The following MC2R variants were observed in gnomAD, a reference collection of about 807,000 sequenced individuals.
MC2R encodes melanocortin 2 receptor, also known as adrenocorticotropic hormone receptor.
MC2R carries 9 observed loss-of-function variants against 9.8 expected under a neutral mutation model. The observed-to-expected ratio is 0.92, with a 90% confidence interval of 0.55 to 1.60. MC2R has a LOEUF of 1.60. MC2R is among the 40% of genes most tolerant of loss of function. MC2R has a pLI of 0.00. For missense variants in MC2R, 370 were observed against 389.0 expected, an observed-to-expected ratio of 0.95 and a Z score of 0.41; for synonymous variants, 185 against 154.7, an observed-to-expected ratio of 1.20 and a Z score of -1.45.
rs200978771 is a variant in MC2R, at chr18:13,885,037, G to C, written c.482C>G (p.Thr161Ser). 132 of 1,614,194 alleles carry C rather than the reference G, an allele frequency of 8.2e-5. No homozygotes were observed. Among genetic ancestry groups the C allele is most frequent in the Non-Finnish European group, 6.2e-5 (73 of 1,180,042 alleles). ...LTVIWTFCTG[T>S]GITMVIFSHH... The stretch of plus-strand genomic sequence containing the variant: ...GGAGAAGATCACCATGGTGATGCCA[G>C]TCCCCGTGCAGAACGTCCAGATGAC... The change falls in exon 2 of 2, where the codon ACT (threonine) becomes AGT (serine). Residue 161 changes from threonine to serine, a missense_variant. Transcript: ENST00000327606.
chr18:13,896,371 A>G (rs998868728), intron 1 of MC2R, among the ~76,000 whole-genome samples: 2 of 152,146 alleles, frequency 1.3e-5, no homozygotes, highest in Admixed American at 6.5e-5. Context: ...AATATAAGAG[A>G]ATTGGCTGAA....
intron 1 of MC2R, among the ~76,000 whole-genome samples, chr18:13,898,496 C>T (rs375033996): frequency 7.6e-4 from 116 of 152,318 alleles, no homozygotes; most frequent in African/African-American, 1.8e-3. Context: ...TTTCCACCTG[C>T]GGATTGTAGA....
intron 1 of MC2R, among the ~76,000 whole-genome samples, chr18:13,886,054 A>G (rs940469585): frequency 7.1e-6 from 1 of 141,554 alleles, no homozygotes; most frequent in Non-Finnish European, 1.5e-5. Context: ...AGAGTGTGGA[A>G]TGGACATTGG....
chr18:13,898,775 G>A (rs1047432756), intron 1 of MC2R, among the ~76,000 whole-genome samples: 1 of 152,228 alleles, frequency 6.6e-6, no homozygotes, highest in Admixed American at 6.5e-5. Flanking sequence ...GGCCATCAAG[G>A]TGGTACCTCT....
chr18:13,885,254 T>C lies in MC2R; in HGVS notation c.265A>G (p.Met89Val), dbSNP rs899855892. Residue 89 changes from methionine (M) to valine (V), a missense_variant, in exon 2 of 2, where the codon ATG (methionine) becomes GTG (valine). Coordinates refer to ENST00000327606, the MANE Select transcript of MC2R (RefSeq NM_000529.2). ...LENILIILRN[M>V]GYLKPRGSFE... The stretch of plus-strand genomic sequence containing the variant: ...CTGCCACGTGGCTTGAGATAGCCCA[T>C]GTTTCTCAATATGATCAGGATATTT... The C allele has an allele frequency of 1.2e-6, 2 of 1,614,004 alleles. No homozygotes were observed. The highest frequency in any genetic ancestry group is 1.7e-6 in the Non-Finnish European group (2 of 1,180,044).
At chr18:13,906,641 C>T (rs866803160) in intron 1 of MC2R, among the ~76,000 whole-genome samples, 5 of 152,162 alleles carry the variant, frequency 3.3e-5, no homozygotes, top group Admixed American at 6.5e-5. Flanking sequence ...AAAACTTAGA[C>T]TCCACCAGAA....
Position 13,885,048 on chromosome 18 carries a change from G to T in MC2R, c.471C>A (p.Phe157Leu). Residue 157 changes from phenylalanine (F) to leucine (L), a missense_variant, in exon 2 of 2, where the codon TTC becomes TTA. Physicochemically the swap from Phe to Leu is conservative, Grantham distance 22. Transcript: ENST00000327606. ...CCATGGTGATGCCAGTCCCCGTGCA[G>T]AACGTCCAGATGACCGTAAGCACCA... ...TVVVLTVIWT[F>L]CTGTGITMVI... 6.2e-7 allele frequency: 1 copy of T among 1,614,208 alleles called. No homozygotes were observed. The highest frequency in any genetic ancestry group is 8.5e-7 in the Non-Finnish European group (1 of 1,180,044).
In MC2R at chr18:13,905,400, C is replaced by T. The variant is rs966694818; in HGVS notation, c.-129+10088G>A. ...ACTCAGGTGGCTGAGGCAGAAGAAT[C>T]GCTTGAATCCGGGAGGCAGAGGTTG... is the stretch of plus-strand genomic sequence containing the variant. On this transcript the variant is annotated intron_variant, in intron 1 of 1. Coordinates refer to ENST00000327606, the MANE Select transcript of MC2R (RefSeq NM_000529.2). Among the ~76,000 whole-genome samples the T allele has an allele frequency of 4.0e-5, 6 of 151,684 alleles. No individual in the cohort carries two copies. In the East Asian group the frequency reaches 5.8e-4, roughly 15 times the overall value.
intron 1 of MC2R, among the ~76,000 whole-genome samples, chr18:13,895,839 G>T (rs1034442537): frequency 4.6e-5 from 7 of 152,082 alleles, no homozygotes; most frequent in Admixed American, 1.3e-4. Context: ...GGAGCCATCC[G>T]CAACAGCAAC....
chr18:13,899,230 G>A (rs115268053), intron 1 of MC2R, among the ~76,000 whole-genome samples: 4,064 of 152,196 alleles, frequency 0.027, 133 homozygotes, highest in African/African-American at 0.09. Context: ...TGATGAAGGC[G>A]TCAGAGTCTT....
intron 1 of MC2R, among the ~76,000 whole-genome samples, chr18:13,907,943 A>G (rs1340128600): frequency 6.6e-6 from 1 of 152,198 alleles, no homozygotes; most frequent in Non-Finnish European, 1.5e-5. Flanking sequence ...AAGGTCAACT[A>G]CTATAGCCAC....
chr18:13,903,593 T>C (rs1047061814), intron 1 of MC2R, among the ~76,000 whole-genome samples: 8 of 152,226 alleles, frequency 5.3e-5, no homozygotes, highest in Non-Finnish European at 1.2e-4. Context: ...ACATCACATG[T>C]TCTCACTTAT....
At chr18:13,894,930 G>A (rs1401286400) in intron 1 of MC2R, among the ~76,000 whole-genome samples, 2 of 152,208 alleles carry the variant, frequency 1.3e-5, no homozygotes, top group Admixed American at 6.5e-5. Flanking sequence ...ACACCACAGC[G>A]TGTTTTGTTC....
intron 1 of MC2R, among the ~76,000 whole-genome samples, chr18:13,890,018 T>C (rs1308477445): frequency 1.3e-5 from 2 of 152,148 alleles, no homozygotes; most frequent in Admixed American, 1.3e-4. Context: ...GAATATTCAT[T>C]TGATAAGGAA....
rs182740757 is a variant in MC2R at position 13,894,162 on chromosome 18, G to A, written c.-128-8516C>T. On this transcript the variant is annotated intron_variant, in intron 1 of 1. Coordinates refer to ENST00000327606, the MANE Select transcript of MC2R (RefSeq NM_000529.2). The stretch of plus-strand genomic sequence containing the variant: ...TGTGTGTGTGTGTGTGTGTGTGTGC[G>A]TGCATGTGTGTGTGAGAGAGAGAGA... 4.7e-4 allele frequency among the ~76,000 whole-genome samples: 72 copies of A among 151,944 alleles called. 1 individual carries two copies. The East Asian group carries it at 0.011, about 23-fold the overall frequency.
intron 1 of MC2R, among the ~76,000 whole-genome samples, chr18:13,897,240 C>G (rs1275773051): frequency 6.6e-6 from 1 of 152,166 alleles, no homozygotes; most frequent in African/African-American, 2.4e-5. Context: ...AAACATTGAA[C>G]TCAGTGGTGT....
chr18:13,897,673 A>T (rs1226486008), intron 1 of MC2R, among the ~76,000 whole-genome samples: 1 of 151,868 alleles, frequency 6.6e-6, no homozygotes, highest in African/African-American at 2.4e-5. Flanking sequence ...TGCATCTTGG[A>T]TATCAGCTCA....
intron 1 of MC2R, among the ~76,000 whole-genome samples, chr18:13,897,172 G>A (rs2045350638): frequency 1.3e-5 from 2 of 152,334 alleles, no homozygotes; most frequent in African/African-American, 4.8e-5. Flanking sequence ...CCCCCCAGTG[G>A]TAGCGTGGTG....
At chr18:13,891,674 G>A (rs2045316539) in intron 1 of MC2R, among the ~76,000 whole-genome samples, 1 of 152,166 alleles carries the variant, frequency 6.6e-6, no homozygotes, top group African/African-American at 2.4e-5. Context: ...TGTGGAGTCT[G>A]TGAGCCCTCC....
Sources: gnomAD v4.1 joint callset for allele counts (sites outside exome capture counted in the v4.1 genomes callset) on GRCh38, gnomAD v4.1.1 for gene constraint, MANE v1.5 for transcripts, NCBI Gene and HGNC (gene_info 2026-07-23, HGNC 2026-07-21) for gene names.